Variants in MBP observed in about 807,000 individuals in gnomAD.
MBP encodes Golli-MBP.
A neutral mutation model predicts 35.8 loss-of-function variants in MBP; 16 were observed. The ratio of observed to expected loss-of-function variants is 0.45; its 90% CI spans 0.30 to 0.68. The LOEUF (loss-of-function observed/expected upper bound fraction) is 0.68, where lower values mean the gene tolerates loss of function less well. MBP is among the 30% of genes least tolerant of loss of function. MBP has a pLI of 0.08. For missense variants in MBP, 380 were observed against 404.7 expected (o/e 0.94, Z 0.52); for synonymous variants, 143 against 159.6 (o/e 0.90, Z 0.78).
At chr18:77,067,941 T>A (rs1250302840) in intron 2 of MBP, 1 of 443,702 alleles carries the variant, frequency 2.3e-6, no homozygotes, top group African/African-American at 2.0e-5. Flanking sequence ...AGTCCAGCCC[T>A]CTGAGCTCAC....
intron 2 of MBP, among the ~76,000 whole-genome samples, chr18:77,078,700 G>A (rs1371802037): frequency 6.6e-6 from 1 of 152,264 alleles, no homozygotes; most frequent in African/African-American, 2.4e-5. Context: ...GAGCAGATCC[G>A]CAGAGTGGGG....
intron 1 of MBP, among the ~76,000 whole-genome samples, chr18:77,123,470 G>A (rs1280913273): frequency 6.6e-6 from 1 of 152,230 alleles, no homozygotes; most frequent in African/African-American, 2.4e-5. Context: ...GAGAGCTTGT[G>A]TGGGTCTATT....
chr18:76,992,481 CCTT>C (rs1307926805), intron 4 of MBP, among the ~76,000 whole-genome samples: 1 of 152,130 alleles, frequency 6.6e-6, no homozygotes, highest in Non-Finnish European at 1.5e-5. Flanking sequence ...GCTGGGGACC[CCTT>C]CTTTAAACGT....
rs1971437270 is a variant in MBP at position 77,013,048 on chromosome 18, A to G, written c.576+3784T>C. 23 of 985,384 alleles carry G rather than the reference A, an allele frequency of 2.3e-5. No homozygotes were observed. In the South Asian group the frequency reaches 8.9e-4, roughly 38 times the overall value. 61.0% of individuals were successfully genotyped at this position (985,384 alleles called of 1,614,324 possible). On this transcript the variant is annotated intron_variant, in intron 4 of 8. Coordinates refer to ENST00000355994, the MANE Select transcript of MBP (RefSeq NM_001025101.2). The stretch of plus-strand genomic sequence containing the variant: ...AGCTCCTGAGACCACAGAAGGACAC[A>G]GTGAGCAGCTGGTGACTGAGCCAGG...
At chr18:77,095,297 C>T (rs1975710848) in intron 2 of MBP, 2 of 152,202 alleles carry the variant, frequency 1.3e-5, no homozygotes, top group African/African-American at 4.8e-5. Context: ...TTCCCTAAGC[C>T]TTTAAACATA....
At chr18:77,091,335 T>C (rs987814774) in intron 2 of MBP, among the ~76,000 whole-genome samples, 4 of 152,218 alleles carry the variant, frequency 2.6e-5, no homozygotes. Context: ...TAATATTTAA[T>C]AAATTCTTTA....
chr18:77,115,212 A>T (rs1199670390), intron 1 of MBP: 2 of 152,214 alleles, frequency 1.3e-5, no homozygotes, highest in African/African-American at 4.8e-5. Flanking sequence ...CTTAGTAACT[A>T]GAGGAAACAC....
intron 2 of MBP, 93 bp from the exon 3 acceptor site, chr18:77,066,478 T>A (rs1321846458): frequency 4.6e-6 from 4 of 866,460 alleles, no homozygotes; most frequent in Non-Finnish European, 7.9e-6. Context: ...ATAAATTTTT[T>A]ATCAGATAAT....
At chr18:76,990,103 C>T (rs768026063) in intron 4 of MBP, 43 bp from the exon 5 acceptor site, 2 of 1,345,214 alleles carry the variant, frequency 1.5e-6, no homozygotes, top group Non-Finnish European at 2.1e-6. Context: ...AGTCCACAGT[C>T]CCTGCGGCTT....
chr18:77,018,612 TCATCCATCCATCCATC>T lies in MBP; in HGVS notation c.140-1360_140-1345del, dbSNP rs58567064. ...TCCACCCACCCCTCCATCTATCCAC[TCATCCATCCATCCATC>T]CATCCATCCATCCACATATCAGTCC... On this transcript the variant is annotated intron_variant, in intron 3 of 8. Coordinates refer to ENST00000355994, the MANE Select transcript of MBP (RefSeq NM_001025101.2). 8.1e-5 allele frequency among the ~76,000 whole-genome samples: 9 copies of T among 111,114 alleles called. 1 individual carries two copies. Among genetic ancestry groups the T allele is most frequent in the South Asian group, 3.3e-4 (1 of 3,070 alleles). 72.9% of individuals were successfully genotyped at this position (111,114 alleles called of 152,430 possible).
At position 76,988,504 on chromosome 18, in the gene MBP, T is replaced by G; in HGVS notation, c.741A>C (p.Arg247Ser). ...TGCGTTCGTCACCTACCCAGCTAAA[T>G]CTGCTCAGGGACAGTCCTCTCCCCT... ...QGKGRGLSLS[R>S]FSWGAEGQRP... Residue 247 changes from arginine to serine, a missense_variant, in exon 7 of 9, where the codon AGA becomes AGC. By Grantham distance (110) the Arg-to-Ser change is moderately radical. Transcript: ENST00000355994. The surrounding 1 kb of genome is among the most constrained non-coding windows in gnomAD (Gnocchi z 5.2). 6.2e-7 allele frequency: 1 copy of G among 1,614,102 alleles called. No individual in the cohort carries two copies. The highest frequency in any genetic ancestry group is 8.5e-7 in the Non-Finnish European group (1 of 1,180,014).
chr18:77,084,419 C>CA (rs1555726618), intron 2 of MBP, among the ~76,000 whole-genome samples: 1 of 42,126 alleles, frequency 2.4e-5, no homozygotes, highest in Non-Finnish European at 5.6e-5. Flanking sequence ...CCGCCCCCCC[C>CA]GCCACACCAC....
At chr18:77,022,285 G>T (rs1328732490) in intron 3 of MBP, among the ~76,000 whole-genome samples, 1 of 152,184 alleles carries the variant, frequency 6.6e-6, no homozygotes, top group Admixed American at 6.5e-5. Flanking sequence ...CCAAGGGATT[G>T]CGTACGGCTG....
intron 4 of MBP, among the ~76,000 whole-genome samples, chr18:77,007,358 C>T (rs138314122): frequency 5.3e-5 from 8 of 152,338 alleles, no homozygotes; most frequent in Non-Finnish European, 8.8e-5. Flanking sequence ...GGGATTGCCA[C>T]CGTCTTCGGG....
At chr18:77,015,985 T>C (rs543897089) in intron 4 of MBP, 3 of 985,182 alleles carry the variant, frequency 3.0e-6, no homozygotes, top group Non-Finnish European at 3.6e-6. Flanking sequence ...AAAACTTCTT[T>C]CTCTCCAAAA....
intron 4 of MBP, chr18:77,014,224 GTGT>G (rs977311930): frequency 1.3e-5 from 13 of 985,340 alleles, no homozygotes; most frequent in Admixed American, 6.1e-5. Context: ...ACAAGCATGG[GTGT>G]TGTTAGGGCA....
At chr18:77,014,541 G>A (rs4494640) in intron 4 of MBP, 28,440 of 985,322 alleles carry the variant, frequency 0.029, 428 homozygotes, top group South Asian at 0.071. Context: ...TAAAAACAGG[G>A]GCTCTCCTGA....
At chr18:77,010,146 GC>G in intron 4 of MBP, 1 of 579,320 alleles carries the variant, frequency 1.7e-6, no homozygotes, top group Non-Finnish European at 3.1e-6. Context: ...AGGTCAGAGG[GC>G]AGGCATGCGC....
rs949869014 is a variant in MBP, at chr18:77,017,276, C to T, written c.140-8G>A. The T allele has an allele frequency of 1.3e-6, 2 of 1,505,696 alleles. No individual in the cohort carries two copies. Among genetic ancestry groups the T allele is most frequent in the Admixed American group, 4.6e-5 (2 of 43,936 alleles). The allele number at this position is 1,505,696 out of a possible 1,614,324, so 93.3% of individuals were successfully genotyped here. ...GGTTCGCATCTGCCTCTCCTGCAAA[C>T]AACAATGAGATATGAATACGGGCCT... On this transcript the variant is annotated splice_polypyrimidine_tract_variant and splice_region_variant and intron_variant, in intron 3 of 8. Coordinates refer to ENST00000355994, the MANE Select transcript of MBP (RefSeq NM_001025101.2).
Sources: gnomAD v4.1 joint callset for allele counts (sites outside exome capture counted in the v4.1 genomes callset) on GRCh38, gnomAD v4.1.1 for gene constraint, Gnocchi (gnomAD v3.1) non-coding constraint, MANE v1.5 for transcripts, NCBI Gene and HGNC (gene_info 2026-07-23, HGNC 2026-07-21) for gene names.